Variants in MACROD2 observed in about 807,000 individuals in gnomAD.
The protein encoded by MACROD2 is mono-ADP ribosylhydrolase 2.
In MACROD2, 36 loss-of-function variants were observed where a neutral mutation model predicts 70.4. The ratio of observed to expected loss-of-function variants is 0.51; its 90% CI spans 0.39 to 0.68. The LOEUF is 0.68. MACROD2 is among the 30% of genes least tolerant of loss of function. The pLI, the probability that MACROD2 is intolerant of heterozygous loss-of-function variation, is 0.00. For synonymous variants in MACROD2, 172 were observed against 178.8 expected (o/e 0.96, Z 0.30); for missense variants, 496 against 538.4 (o/e 0.92, Z 0.78).
At chr20:14,873,586 G>A (rs2073514175) in intron 5 of MACROD2, among the ~76,000 whole-genome samples, 1 of 152,104 alleles carries the variant, frequency 6.6e-6, no homozygotes, top group South Asian at 2.1e-4. Flanking sequence ...TTCAGGGCCG[G>A]GTGCAATGGC....
At position 15,950,061 on chromosome 20, in the gene MACROD2, G is replaced by A. The variant is rs143682101; in HGVS notation, c.907+12517G>A. Among the ~76,000 whole-genome samples the A allele has an allele frequency of 1.8e-4, 28 of 152,184 alleles. No homozygotes were observed. The East Asian group carries it at 5.4e-3, about 29-fold the overall frequency. ...ATTAGTATAAAAAATAATATTTGGA[G>A]TAACTCTTTAGAGTATTTCCACAAA... On this transcript the variant is annotated intron_variant, in intron 12 of 17. Coordinates refer to ENST00000684519, the MANE Select transcript of MACROD2 (RefSeq NM_001351661.2).
At chr20:14,519,348 A>T (rs2085139024) in intron 4 of MACROD2, among the ~76,000 whole-genome samples, 1 of 152,166 alleles carries the variant, frequency 6.6e-6, no homozygotes, top group Admixed American at 6.5e-5. Context: ...GAATAAGATC[A>T]GAATGTGTAG....
Position 15,724,076 on chromosome 20 carries a change from T to G in MACROD2, c.646-138669T>G, listed in dbSNP as rs2050826615. 2.0e-5 allele frequency among the ~76,000 whole-genome samples: 3 copies of G among 152,362 alleles called. No individual in the cohort carries two copies. In the South Asian group the frequency reaches 6.2e-4, roughly 32 times the overall value. On this transcript the variant is annotated intron_variant, in intron 8 of 17. Transcript: ENST00000684519. Reference sequence around the variant, plus strand: ...TCATATGTCTATTTGCCATTCTTTGTTGGTGAGGTATCAAGATTTTTGGTC... The same window carrying G: ...TCATATGTCTATTTGCCATTCTTTGGTGGTGAGGTATCAAGATTTTTGGTC...
At chr20:14,345,559 T>C (rs899646749) in intron 3 of MACROD2, among the ~76,000 whole-genome samples, 3 of 151,648 alleles carry the variant, frequency 2.0e-5, no homozygotes, top group Admixed American at 2.0e-4. Flanking sequence ...TAGGCTGGAG[T>C]AGCTGGGACT....
intron 5 of MACROD2, among the ~76,000 whole-genome samples, chr20:15,222,544 A>G (rs192209631): frequency 1.6e-4 from 25 of 152,298 alleles, no homozygotes; most frequent in African/African-American, 5.1e-4. Flanking sequence ...TAAAAAAGAA[A>G]ATCAGTTTAA....
At chr20:14,375,172 T>C (rs2083360268) in intron 3 of MACROD2, among the ~76,000 whole-genome samples, 1 of 152,032 alleles carries the variant, frequency 6.6e-6, no homozygotes, top group Non-Finnish European at 1.5e-5. Context: ...TTTTTACAAA[T>C]AAAAAATACT....
chr20:14,659,230 T>C (rs927267164), intron 4 of MACROD2, among the ~76,000 whole-genome samples: 9 of 152,232 alleles, frequency 5.9e-5, no homozygotes, highest in African/African-American at 1.9e-4. Flanking sequence ...AGTAATTTTG[T>C]ACTTACCCTT....
At chr20:15,862,637 C>T (rs2147164494) in intron 8 of MACROD2, 108 bp from the exon 9 acceptor site, 1 of 837,644 alleles carries the variant, frequency 1.2e-6, no homozygotes, top group African/African-American at 1.7e-5. Context: ...AGTATAGAAC[C>T]AAAAATCTGT....
chr20:15,049,408 AC>A lies in MACROD2; in HGVS notation c.419-180531del, dbSNP rs1193896403. On this transcript the variant is annotated intron_variant, in intron 5 of 17. Transcript: ENST00000684519. ...GGCAGCTGCTACTCAGCTGAAGTCC[AC>A]TGTTTTCAATAACAATTCTATCTCA... Among the ~76,000 whole-genome samples the A allele has an allele frequency of 5.3e-5, 8 of 152,238 alleles. No homozygotes were observed. The East Asian group carries it at 1.4e-3, about 26-fold the overall frequency.
chr20:14,180,656 A>G (rs2081298260), intron 3 of MACROD2, among the ~76,000 whole-genome samples: 1 of 152,070 alleles, frequency 6.6e-6, no homozygotes, highest in African/African-American at 2.4e-5. Context: ...GAAGTAATTA[A>G]TATTTTATTA....
chr20:14,625,471 A>C (rs1984091649), intron 4 of MACROD2, among the ~76,000 whole-genome samples: 2 of 152,306 alleles, frequency 1.3e-5, no homozygotes, highest in South Asian at 4.1e-4. Context: ...TCACCACCGA[A>C]AAAGCTCTAA....
intron 5 of MACROD2, among the ~76,000 whole-genome samples, chr20:14,792,424 A>G (rs1462968733): frequency 2.0e-5 from 3 of 151,986 alleles, no homozygotes; most frequent in Non-Finnish European, 2.9e-5. Flanking sequence ...TTTTAATTGC[A>G]TTCATTATTT....
chr20:15,015,919 C>T (rs1324283651), intron 5 of MACROD2, among the ~76,000 whole-genome samples: 1 of 152,148 alleles, frequency 6.6e-6, no homozygotes, highest in Non-Finnish European at 1.5e-5. Context: ...AGATGATAAA[C>T]CAGACATAAA....
At chr20:15,350,162 G>C (rs186163331) in intron 6 of MACROD2, among the ~76,000 whole-genome samples, 121 of 152,310 alleles carry the variant, frequency 7.9e-4, no homozygotes, top group Non-Finnish European at 1.3e-3. Context: ...TTGGCTGCCA[G>C]AGGCTTGGTA....
intron 15 of MACROD2, among the ~76,000 whole-genome samples, chr20:15,999,448 T>C (rs2066679480): frequency 6.6e-6 from 1 of 152,238 alleles, no homozygotes; most frequent in African/African-American, 2.4e-5. Context: ...ATATGTATTT[T>C]GCAGTTATTG....
intron 5 of MACROD2, among the ~76,000 whole-genome samples, chr20:14,873,087 GGT>G (rs2073508481): frequency 6.6e-6 from 1 of 152,094 alleles, no homozygotes; most frequent in Non-Finnish European, 1.5e-5. Flanking sequence ...ATGAGATTTA[GGT>G]GGGAACACAA....
chr20:15,726,036 A>T (rs1474657324), intron 8 of MACROD2, among the ~76,000 whole-genome samples: 2 of 152,028 alleles, frequency 1.3e-5, no homozygotes, highest in Non-Finnish European at 2.9e-5. Context: ...CCCAGGTAAA[A>T]AGCATACTAC....
chr20:14,447,707 T>G (rs1407467567), intron 3 of MACROD2, among the ~76,000 whole-genome samples: 1 of 151,878 alleles, frequency 6.6e-6, no homozygotes, highest in Non-Finnish European at 1.5e-5. Context: ...GTAACTGAAC[T>G]CTACTCCAGA....
At chr20:15,683,836 T>C (rs73614427) in intron 8 of MACROD2, among the ~76,000 whole-genome samples, 7,714 of 152,224 alleles carry the variant, frequency 0.051, 314 homozygotes, top group East Asian at 0.22. Context: ...CGCCTCGGCC[T>C]CCCAAGGTGC....
Sources: gnomAD v4.1 joint callset for allele counts (sites outside exome capture counted in the v4.1 genomes callset) on GRCh38, gnomAD v4.1.1 for gene constraint, MANE v1.5 for transcripts, NCBI Gene and HGNC (gene_info 2026-07-23, HGNC 2026-07-21) for gene names.